The following IL1RAPL1 variants were observed in gnomAD, a reference collection of about 807,000 sequenced individuals.
IL1RAPL1 encodes the protein interleukin 1 receptor accessory protein like 1.
A neutral mutation model predicts 48.4 loss-of-function variants in IL1RAPL1; 3 were observed. That is an observed-to-expected ratio of 0.06 (90% CI 0.03 to 0.16). The LOEUF (loss-of-function observed/expected upper bound fraction) is 0.16. Ranked by LOEUF, IL1RAPL1 falls within the 10% of genes least tolerant of loss-of-function variation. IL1RAPL1 has a pLI of 1.00. For missense variants in IL1RAPL1, 349 were observed against 530.6 expected, an observed-to-expected ratio of 0.66 and a Z score of 3.36; for synonymous variants, 185 against 187.7, an observed-to-expected ratio of 0.99 and a Z score of 0.12.
chrX:28,963,433 TA>T (rs1308248257), intron 2 of IL1RAPL1, among the ~76,000 whole-genome samples: 1 of 111,385 alleles, frequency 9.0e-6, no homozygotes, highest in African/African-American at 3.3e-5. Flanking sequence ...TTGCATGTTT[TA>T]CTCTTACAAT....
intron 1 of IL1RAPL1, among the ~76,000 whole-genome samples, chrX:28,589,539 T>A (rs1207690277): frequency 9.0e-6 from 1 of 111,635 alleles, no homozygotes; most frequent in Non-Finnish European, 1.9e-5. Context: ...GAGTCTGCGA[T>A]GTTTCAGAAG....
chrX:29,226,911 AT>A (rs747260027), intron 2 of IL1RAPL1, among the ~76,000 whole-genome samples: 288 of 111,684 alleles, frequency 2.6e-3, no homozygotes, highest in African/African-American at 9.1e-3. Flanking sequence ...AAATAATAAC[AT>A]TCCAGGGACT....
intron 8 of IL1RAPL1, among the ~76,000 whole-genome samples, chrX:29,932,128 C>G (rs980006737): frequency 1.8e-5 from 2 of 112,051 alleles, no homozygotes; most frequent in African/African-American, 6.5e-5. Flanking sequence ...CTTATGAGAT[C>G]TGAGATAAAG....
chrX:29,115,926 A>C (rs2147473535), intron 2 of IL1RAPL1, among the ~76,000 whole-genome samples: 1 of 110,090 alleles, frequency 9.1e-6, no homozygotes, highest in African/African-American at 3.3e-5. Context: ...CTATTATTTT[A>C]GGTGTTACTC....
intron 1 of IL1RAPL1, among the ~76,000 whole-genome samples, chrX:28,659,745 CGT>C (rs1934795601): frequency 9.1e-6 from 1 of 109,478 alleles, no homozygotes; most frequent in South Asian, 3.9e-4. Flanking sequence ...GAAGGAAAAA[CGT>C]GTTAGAAAAA....
rs1254647109 is a variant in IL1RAPL1 at position 29,956,568 on chromosome X, A to G, written c.*748A>G. On this transcript the variant is annotated 3_prime_UTR_variant, in exon 11 of 11. Coordinates refer to ENST00000378993, the MANE Select transcript of IL1RAPL1 (RefSeq NM_014271.4). Reference sequence around the variant, plus strand: ...GTGTGCTAATCACTTCACAGTGACCACTACAGAGTACTAAGAAGAGAAGAT... The same window carrying G: ...GTGTGCTAATCACTTCACAGTGACCGCTACAGAGTACTAAGAAGAGAAGAT... 1 of 106,610 alleles carries G rather than the reference A, an allele frequency of 9.4e-6. No homozygotes were observed. The highest frequency in any genetic ancestry group is 3.4e-5 in the African/African-American group (1 of 29,296). 8.8% of individuals were successfully genotyped at this position (106,610 alleles called of 1,213,427 possible). A position where few individuals can be genotyped will look rare whatever the true frequency, so the allele number is the denominator to read the frequency against.
At chrX:29,828,005 T>C (rs756390368) in intron 6 of IL1RAPL1, among the ~76,000 whole-genome samples, 1 of 112,138 alleles carries the variant, frequency 8.9e-6, no homozygotes, top group East Asian at 2.8e-4. Flanking sequence ...TTGTCTAAGC[T>C]GTAGGCCCTA....
At chrX:29,007,217 G>A (rs1926005446) in intron 2 of IL1RAPL1, among the ~76,000 whole-genome samples, 2 of 111,766 alleles carry the variant, frequency 1.8e-5, no homozygotes, top group African/African-American at 6.5e-5. Flanking sequence ...TTGTTAGAGA[G>A]AAGGAGTTAG....
At chrX:29,689,992 C>G (rs1926731587) in intron 6 of IL1RAPL1, among the ~76,000 whole-genome samples, 1 of 111,427 alleles carries the variant, frequency 9.0e-6, no homozygotes, top group South Asian at 3.7e-4. Flanking sequence ...AACTGGGAAA[C>G]TAATTGTCTA....
intron 1 of IL1RAPL1, among the ~76,000 whole-genome samples, chrX:28,665,137 C>G (rs953908776): frequency 2.7e-5 from 3 of 111,410 alleles, no homozygotes; most frequent in Non-Finnish European, 5.7e-5. Flanking sequence ...GTGTATACTA[C>G]AAATGCAGTC....
intron 2 of IL1RAPL1, among the ~76,000 whole-genome samples, chrX:28,915,358 A>G (rs1034102507): frequency 9.0e-6 from 1 of 111,652 alleles, no homozygotes; most frequent in African/African-American, 3.3e-5. Flanking sequence ...AAGAAGAGTT[A>G]GGGAAGATTA....
chrX:29,777,815 G>A (rs1929239337), intron 6 of IL1RAPL1, among the ~76,000 whole-genome samples: 2 of 110,154 alleles, frequency 1.8e-5, no homozygotes, highest in South Asian at 7.6e-4. Context: ...AAATTGTATT[G>A]TTAATTTTAA....
intron 1 of IL1RAPL1, among the ~76,000 whole-genome samples, chrX:28,640,008 T>C (rs778942750): frequency 4.5e-5 from 5 of 111,290 alleles, no homozygotes; most frequent in Non-Finnish European, 9.4e-5. Flanking sequence ...AAATGAAGGG[T>C]ATAGGAGCAG....
rs188455492 is a variant in IL1RAPL1 at position 29,437,257 on chromosome X, A to G, written c.703+37949A>G. On this transcript the variant is annotated intron_variant, in intron 5 of 10. Coordinates refer to ENST00000378993, the MANE Select transcript of IL1RAPL1 (RefSeq NM_014271.4). ...TTACAATACATAGCTGTTAATAATT[A>G]TTACTGAGACTGAGGTACATACAAA... Among the ~76,000 whole-genome samples the G allele has an allele frequency of 2.7e-5, 3 of 110,743 alleles. No homozygotes were observed. The East Asian group carries it at 8.4e-4, about 31-fold the overall frequency.
At chrX:28,759,627 G>A (rs888115853) in intron 1 of IL1RAPL1, among the ~76,000 whole-genome samples, 5 of 111,780 alleles carry the variant, frequency 4.5e-5, no homozygotes, top group Non-Finnish European at 9.4e-5. Flanking sequence ...CCAACTGTAC[G>A]TATTTTAGGA....
At chrX:28,947,436 T>G (rs1419243879) in intron 2 of IL1RAPL1, among the ~76,000 whole-genome samples, 1 of 111,070 alleles carries the variant, frequency 9.0e-6, no homozygotes, top group East Asian at 2.9e-4. Flanking sequence ...GTCCATTTCT[T>G]GGAAAGCCCT....
chrX:29,543,448 C>T (rs956386059), intron 5 of IL1RAPL1, among the ~76,000 whole-genome samples: 1 of 110,324 alleles, frequency 9.1e-6, no homozygotes, highest in Non-Finnish European at 1.9e-5. Context: ...TTTTAAAAGA[C>T]ATATATGAGA....
intron 2 of IL1RAPL1, among the ~76,000 whole-genome samples, chrX:28,961,396 T>A (rs1302190223): frequency 9.0e-6 from 1 of 111,359 alleles, no homozygotes; most frequent in Non-Finnish European, 1.9e-5. Flanking sequence ...GTTTGTTACA[T>A]AGGTATACAC....
intron 5 of IL1RAPL1, among the ~76,000 whole-genome samples, chrX:29,399,955 T>C (rs762173863): frequency 8.9e-6 from 1 of 112,290 alleles, no homozygotes; most frequent in East Asian, 2.8e-4. Flanking sequence ...CTAAATAGAA[T>C]ATATGAAATC....
Sources: gnomAD v4.1 joint callset for allele counts (sites outside exome capture counted in the v4.1 genomes callset) on GRCh38, gnomAD v4.1.1 for gene constraint, MANE v1.5 for transcripts, NCBI Gene and HGNC (gene_info 2026-07-23, HGNC 2026-07-21) for gene names.